The following FAM169A variants were observed in gnomAD, a reference collection of about 807,000 sequenced individuals.
FAM169A encodes the protein family with sequence similarity 169 member A.
A neutral mutation model predicts 75.7 loss-of-function variants in FAM169A; 24 were observed. The ratio of observed to expected loss-of-function variants is 0.32; its 90% CI spans 0.23 to 0.45. The LOEUF (loss-of-function observed/expected upper bound fraction) is 0.45. FAM169A is among the 20% of genes least tolerant of loss of function. The pLI, the probability that FAM169A is intolerant of heterozygous loss-of-function variation, is 1.00. For missense variants in FAM169A, 673 were observed against 784.0 expected (o/e 0.86, Z 1.69); for synonymous variants, 271 against 271.0 (o/e 1.00, Z 0.00).
At chr5:74,847,608 T>C (rs1024409768) in intron 1 of FAM169A, among the ~76,000 whole-genome samples, 4 of 152,194 alleles carry the variant, frequency 2.6e-5, no homozygotes, top group African/African-American at 7.2e-5. Flanking sequence ...CAGCATTAAA[T>C]TTCCTATAAT....
At chr5:74,784,112 AT>A (rs1333429809) in intron 11 of FAM169A, among the ~76,000 whole-genome samples, 2 of 152,294 alleles carry the variant, frequency 1.3e-5, no homozygotes, top group Non-Finnish European at 2.9e-5. Context: ...CGAGAGACAT[AT>A]AATCTAGAGT....
chr5:74,862,896 T>C (rs1409785969), intron 1 of FAM169A, among the ~76,000 whole-genome samples: 2 of 152,136 alleles, frequency 1.3e-5, no homozygotes, highest in African/African-American at 4.8e-5. Context: ...TCCGTGACAG[T>C]AGGGCCTGTT....
chr5:74,819,694 T>A (rs1004387486), intron 5 of FAM169A, among the ~76,000 whole-genome samples: 7 of 152,198 alleles, frequency 4.6e-5, no homozygotes, highest in Non-Finnish European at 8.8e-5. Context: ...AACTGGTGTA[T>A]CTATACAAGG....
chr5:74,819,992 CCTT>C (rs1412693835), intron 5 of FAM169A, among the ~76,000 whole-genome samples: 5 of 124,866 alleles, frequency 4.0e-5, no homozygotes, highest in African/African-American at 1.7e-4. Flanking sequence ...TGAATTGTAT[CCTT>C]TTTTTTTTTT....
rs747911699 is a variant in FAM169A at position 74,805,087 on chromosome 5, T to C, written c.799+69A>G. 15 of 1,378,770 alleles carry C rather than the reference T, an allele frequency of 1.1e-5. No individual in the cohort carries two copies. In the East Asian group the frequency reaches 1.1e-4, roughly 11 times the overall value. 85.4% of individuals were successfully genotyped at this position (1,378,770 alleles called of 1,614,324 possible). A position where few individuals can be genotyped will look rare whatever the true frequency, so the allele number is the denominator to read the frequency against. Reference sequence around the variant, plus strand: ...GCCTCTGCTTTTTAAACTGGACTTATGGGCCAGCAAGGACAGGCTACCAAA... The same window carrying C: ...GCCTCTGCTTTTTAAACTGGACTTACGGGCCAGCAAGGACAGGCTACCAAA... On this transcript the variant is annotated intron_variant, in intron 7 of 12. Transcript: ENST00000687041.
Position 74,796,090 on chromosome 5 carries a change from A to C in FAM169A, c.1200T>G (p.Asp400Glu). ...RGIEFEDESS[D>E]RDARPALETQ... ...TTTCCAGTGCTGGCCGTGCATCTCTATCACTGCTTTCATCCTCAAATTCAA... is the reference window on the plus strand; with the variant it reads ...TTTCCAGTGCTGGCCGTGCATCTCTCTCACTGCTTTCATCCTCAAATTCAA... The change falls in exon 11 of 13, where the codon GAT (aspartate) becomes GAG (glutamate). Residue 400 changes from aspartate (D) to glutamate (E), a missense_variant. Asp to Glu is a conservative substitution (Grantham distance 45). Around this residue, in one of 3 missense-constraint regions of FAM169A, gnomAD observed 510 missense variants for 550.9 expected, o/e 0.93. Coordinates refer to ENST00000687041, the MANE Select transcript of FAM169A (RefSeq NM_001376049.1). 6.2e-7 allele frequency: 1 copy of C among 1,614,078 alleles called. No homozygotes were observed. The highest frequency in any genetic ancestry group is 8.5e-7 in the Non-Finnish European group (1 of 1,180,010).
intron 1 of FAM169A, among the ~76,000 whole-genome samples, chr5:74,854,156 G>A (rs1354430296): frequency 6.6e-6 from 1 of 152,072 alleles, no homozygotes. Flanking sequence ...CACTTTGGGA[G>A]GCCAAGATGG....
At chr5:74,816,258 T>C (rs1324250751) in intron 5 of FAM169A, among the ~76,000 whole-genome samples, 1 of 152,230 alleles carries the variant, frequency 6.6e-6, no homozygotes. Context: ...GAGAAAGCAC[T>C]GTCTAGTTCT....
intron 5 of FAM169A, among the ~76,000 whole-genome samples, chr5:74,830,490 A>G (rs1360205276): frequency 6.6e-6 from 1 of 152,160 alleles, no homozygotes; most frequent in African/African-American, 2.4e-5. Flanking sequence ...AATACTAACT[A>G]TCCCAGTGGA....
At chr5:74,825,373 C>T (rs1304661696) in intron 5 of FAM169A, among the ~76,000 whole-genome samples, 4 of 152,114 alleles carry the variant, frequency 2.6e-5, no homozygotes, top group Non-Finnish European at 5.9e-5. Context: ...TCACATGTGG[C>T]CATTGAGCTC....
intron 5 of FAM169A, 106 bp downstream of exon 5, chr5:74,834,320 C>A: frequency 1.7e-6 from 1 of 576,626 alleles, no homozygotes. Flanking sequence ...AAAATCACCT[C>A]AATTTGCATG....
intron 6 of FAM169A, 125 bp downstream of exon 6, chr5:74,813,715 G>A: frequency 1.7e-6 from 1 of 592,284 alleles, no homozygotes; most frequent in Non-Finnish European, 2.7e-6. Flanking sequence ...GCCAAAGTAA[G>A]TTCTAGAGAG....
chr5:74,840,721 C>A (rs1394596972), intron 2 of FAM169A, among the ~76,000 whole-genome samples: 2 of 150,906 alleles, frequency 1.3e-5, no homozygotes, highest in Non-Finnish European at 2.9e-5. Context: ...CCTAGCTACT[C>A]GGGAGGCTAA....
rs1226116403 is a variant in FAM169A, at chr5:74,840,183, CAAATT to C, written c.133-15_133-11del. The C allele has an allele frequency of 7.3e-7, 1 of 1,365,258 alleles. No individual in the cohort carries two copies. The highest frequency in any genetic ancestry group is 1.4e-5 in the South Asian group (1 of 71,632). 84.6% of individuals were successfully genotyped at this position (1,365,258 alleles called of 1,614,324 possible). On this transcript the variant is annotated splice_polypyrimidine_tract_variant and intron_variant, in intron 2 of 12. Transcript: ENST00000687041. Reference sequence around the variant, plus strand: ...ACAGGCTAATAGGAATCTGAAATGACAAATTAATAAAGATTAGTGAACAGTCTGTT... The same window carrying C: ...ACAGGCTAATAGGAATCTGAAATGACAATAAAGATTAGTGAACAGTCTGTT...
upstream of FAM169A, chr5:74,866,420 T>TCCGCGC (rs1750352629): frequency 2.9e-5 from 28 of 966,682 alleles, no homozygotes; most frequent in Non-Finnish European, 3.4e-5. Context: ...TCGCTTCCGC[T>TCCGCGC]CCGCGCCCGC....
At chr5:74,863,582 A>C (rs1750150962) in intron 1 of FAM169A, among the ~76,000 whole-genome samples, 1 of 152,218 alleles carries the variant, frequency 6.6e-6, no homozygotes, top group East Asian at 1.9e-4. Flanking sequence ...TTAAAAAGTA[A>C]ATCTTACTGA....
At chr5:74,822,117 T>G (rs555261363) in intron 5 of FAM169A, among the ~76,000 whole-genome samples, 37 of 152,254 alleles carry the variant, frequency 2.4e-4, no homozygotes, top group Admixed American at 1.3e-3. Context: ...TAAAGCAAGT[T>G]ATAGGGCCAG....
At chr5:74,810,453 T>TGTAC (rs780676946) in intron 6 of FAM169A, among the ~76,000 whole-genome samples, 5 of 151,908 alleles carry the variant, frequency 3.3e-5, no homozygotes, top group South Asian at 4.2e-4. Flanking sequence ...GTACGGTACA[T>TGTAC]GTACGGTACA....
At position 74,829,772 on chromosome 5, in the gene FAM169A, G is replaced by A. The variant is rs963078571; in HGVS notation, c.490+4654C>T. Among the ~76,000 whole-genome samples, 5 of 152,104 alleles carry A rather than the reference G, an allele frequency of 3.3e-5. No homozygotes were observed. The East Asian group carries it at 7.7e-4, about 23-fold the overall frequency. On this transcript the variant is annotated intron_variant, in intron 5 of 12. Transcript: ENST00000687041. ...GTGGATCATCTGAGGTCAGGAGATC[G>A]AGACCAGCTTGACCAACATGGTGAA...
Sources: gnomAD v4.1 joint callset for allele counts (sites outside exome capture counted in the v4.1 genomes callset) on GRCh38, gnomAD v4.1.1 for gene constraint, gnomAD v4.1.1 regional missense constraint, MANE v1.5 for transcripts, NCBI Gene and HGNC (gene_info 2026-07-23, HGNC 2026-07-21) for gene names.